Variants in NELL1 observed in about 807,000 individuals in gnomAD.
The protein encoded by NELL1 is neural EGFL like 1.
Under a neutral mutation model 107.4 loss-of-function variants are expected in NELL1, and 76 were observed. The observed-to-expected ratio is 0.71, with a 90% CI of 0.59 to 0.86. The LOEUF (loss-of-function observed/expected upper bound fraction) is 0.86. NELL1 is among the 40% of genes least tolerant of loss of function. The pLI, the probability that NELL1 is intolerant of heterozygous loss-of-function variation, is 0.00. For synonymous variants in NELL1, 353 were observed against 341.2 expected, an observed-to-expected ratio of 1.03 and a Z score of -0.38; for missense variants, 1,024 against 1,005.5, an observed-to-expected ratio of 1.02 and a Z score of -0.25.
At chr11:21,516,605 A>G (rs1855567579) in intron 15 of NELL1, among the ~76,000 whole-genome samples, 1 of 152,170 alleles carries the variant, frequency 6.6e-6, no homozygotes, top group Admixed American at 6.5e-5. Flanking sequence ...TGAATACTAT[A>G]GGCAATTGTA....
chr11:20,690,440 A>G (rs1380748950), intron 2 of NELL1, among the ~76,000 whole-genome samples: 1 of 152,076 alleles, frequency 6.6e-6, no homozygotes, highest in Non-Finnish European at 1.5e-5. Context: ...TCTTTAATCC[A>G]TCTTGAATTA....
At chr11:21,557,609 G>GT (rs1296996867) in intron 16 of NELL1, among the ~76,000 whole-genome samples, 5 of 151,902 alleles carry the variant, frequency 3.3e-5, no homozygotes, top group Non-Finnish European at 7.4e-5. Context: ...GAAAATAAAA[G>GT]TTTTTTCCTG....
At chr11:20,888,630 T>C (rs1849557772) in intron 5 of NELL1, among the ~76,000 whole-genome samples, 1 of 152,164 alleles carries the variant, frequency 6.6e-6, no homozygotes, top group Non-Finnish European at 1.5e-5. Context: ...AATAAAAGTA[T>C]ATGTTGTTGA....
intron 3 of NELL1, among the ~76,000 whole-genome samples, chr11:20,843,029 A>C (rs768379792): frequency 3.9e-5 from 6 of 152,166 alleles, no homozygotes; most frequent in Non-Finnish European, 7.3e-5. Context: ...AATTGTAGGC[A>C]CTATGCTGGG....
In NELL1 at chr11:21,415,197, CT is replaced by C. The variant is rs1852483513; in HGVS notation, c.1645+44251del. ...ACAAATTGAGCATCATTTCCTTCAC[CT>C]TCCCCTGCTCTTGCACTTAGCAACT... On this transcript the variant is annotated intron_variant, in intron 15 of 19. Coordinates refer to ENST00000357134, the MANE Select transcript of NELL1 (RefSeq NM_006157.5). Among the ~76,000 whole-genome samples the C allele has an allele frequency of 2.6e-5, 4 of 152,176 alleles. No homozygotes were observed. The South Asian group carries it at 8.3e-4, about 32-fold the overall frequency.
chr11:21,389,504 A>G (rs137922103), intron 15 of NELL1, among the ~76,000 whole-genome samples: 16 of 151,898 alleles, frequency 1.1e-4, no homozygotes, highest in East Asian at 5.9e-4. Context: ...AAATAATTCT[A>G]AGAGTACAGA....
At chr11:21,097,552 A>G (rs778925745) in intron 12 of NELL1, among the ~76,000 whole-genome samples, 3 of 152,218 alleles carry the variant, frequency 2.0e-5, no homozygotes, top group South Asian at 4.1e-4. Context: ...TGTGAGGTAC[A>G]GAGGTGGAGT....
intron 12 of NELL1, among the ~76,000 whole-genome samples, chr11:20,974,161 C>T (rs1158333158): frequency 6.6e-6 from 1 of 152,150 alleles, no homozygotes; most frequent in African/African-American, 2.4e-5. Flanking sequence ...GTTCCTGGAA[C>T]AGAGTGGGTG....
rs146421362 is a variant in NELL1, at chr11:21,003,474, A to G, written c.1300+42914A>G. Among the ~76,000 whole-genome samples the G allele has an allele frequency of 4.2e-3, 636 of 152,270 alleles. 4 individuals carry two copies. Among genetic ancestry groups the G allele is most frequent in the African/African-American group, 0.013 (535 of 41,572 alleles). ...CTGAAAAGTTTAGGCTTGCAGAAGT[A>G]TTAGAGGTCATCTAGTGCAAACTCT... On this transcript the variant is annotated intron_variant, in intron 12 of 19. Transcript: ENST00000357134.
chr11:21,209,348 T>TAA (rs1390735868), intron 13 of NELL1, among the ~76,000 whole-genome samples: 28 of 138,204 alleles, frequency 2.0e-4, no homozygotes, highest in African/African-American at 7.0e-4. Flanking sequence ...TATATATATA[T>TAA]AAAATACATA....
chr11:20,889,804 G>A (rs1224219426), intron 5 of NELL1, among the ~76,000 whole-genome samples: 1 of 152,164 alleles, frequency 6.6e-6, no homozygotes, highest in Non-Finnish European at 1.5e-5. Context: ...AGCCAAGGGA[G>A]GCAGATTTCC....
intron 13 of NELL1, among the ~76,000 whole-genome samples, chr11:21,172,496 C>T (rs1856628672): frequency 6.6e-6 from 1 of 151,804 alleles, no homozygotes; most frequent in South Asian, 2.1e-4. Flanking sequence ...AAATCAGTCT[C>T]TATTCCCCTT....
chr11:20,955,689 G>A (rs973135694), intron 11 of NELL1, among the ~76,000 whole-genome samples: 7 of 151,936 alleles, frequency 4.6e-5, no homozygotes, highest in African/African-American at 7.3e-5. Flanking sequence ...CATATTAAAA[G>A]GTATATATTA....
At chr11:21,286,638 C>T in intron 14 of NELL1, among the ~76,000 whole-genome samples, 1 of 152,326 alleles carries the variant, frequency 6.6e-6, no homozygotes, top group African/African-American at 2.4e-5. Context: ...GTTTATGATA[C>T]ACTTCAGTTA....
intron 5 of NELL1, among the ~76,000 whole-genome samples, chr11:20,888,755 C>A (rs1375980551): frequency 1.3e-5 from 2 of 152,100 alleles, no homozygotes; most frequent in South Asian, 4.1e-4. Context: ...TAGGCTGTCT[C>A]CCATGTCTGT....
chr11:20,864,485 A>AT (rs2134079157), intron 4 of NELL1, among the ~76,000 whole-genome samples: 2 of 152,348 alleles, frequency 1.3e-5, no homozygotes, highest in African/African-American at 4.8e-5. Context: ...TGTTCCTGCC[A>AT]TCAGGGCATC....
intron 3 of NELL1, among the ~76,000 whole-genome samples, chr11:20,838,797 A>G (rs965040721): frequency 2.0e-5 from 3 of 152,150 alleles, no homozygotes; most frequent in Admixed American, 6.5e-5. Flanking sequence ...TTTGGTCATT[A>G]GTACAATTAC....
In NELL1 at chr11:20,845,792, G is replaced by A. The variant is rs79096171; in HGVS notation, c.336-1791G>A. Reference sequence around the variant, plus strand: ...TAGGCCATTTTTCACCCTTTTTTTGGGGGGGCCGTGGGGAGGGACATATTT... The same window carrying A: ...TAGGCCATTTTTCACCCTTTTTTTGAGGGGGCCGTGGGGAGGGACATATTT... On this transcript the variant is annotated intron_variant, in intron 3 of 19. Coordinates refer to ENST00000357134, the MANE Select transcript of NELL1 (RefSeq NM_006157.5). Among the ~76,000 whole-genome samples, 1,297 of 151,964 alleles carry A rather than the reference G, an allele frequency of 8.5e-3. 12 individuals carry two copies. The highest frequency in any genetic ancestry group is 0.01 in the Admixed American group (160 of 15,252).
intron 10 of NELL1, among the ~76,000 whole-genome samples, chr11:20,938,490 A>G (rs1344317387): frequency 6.6e-6 from 1 of 152,174 alleles, no homozygotes; most frequent in Non-Finnish European, 1.5e-5. Flanking sequence ...GCCAAATTCT[A>G]TAAAAGTATG....
Sources: gnomAD v4.1 joint callset for allele counts (sites outside exome capture counted in the v4.1 genomes callset) on GRCh38, gnomAD v4.1.1 for gene constraint, MANE v1.5 for transcripts, NCBI Gene and HGNC (gene_info 2026-07-23, HGNC 2026-07-21) for gene names.